ADGRL2: variants seen among roughly 807,000 people sequenced by gnomAD.
ADGRL2 encodes the protein calcium-independent alpha-latrotoxin receptor 2.
Under a neutral mutation model 157.4 loss-of-function variants are expected in ADGRL2, and 44 were observed. The ratio of observed to expected loss-of-function variants is 0.28; its 90% CI spans 0.22 to 0.36. The LOEUF is 0.36. Among genes scored for constraint, ADGRL2 ranks in the 10% least tolerant of loss-of-function variants. The pLI is 1.00. For synonymous variants in ADGRL2, 585 were observed against 624.7 expected, an observed-to-expected ratio of 0.94 and a Z score of 0.95; for missense variants, 1,510 against 1,768.9, an observed-to-expected ratio of 0.85 and a Z score of 2.63.
chr1:81,690,935 G>A (rs1042445038), intron 3 of ADGRL2, among the ~76,000 whole-genome samples: 18 of 152,318 alleles, frequency 1.2e-4, no homozygotes, highest in African/African-American at 4.1e-4. Context: ...CAGAAATAAA[G>A]TCTTTACAGA....
At chr1:81,844,390 C>G (rs2092707968) in intron 2 of ADGRL2, among the ~76,000 whole-genome samples, 2 of 152,098 alleles carry the variant, frequency 1.3e-5, no homozygotes, top group African/African-American at 4.8e-5. Flanking sequence ...AATTAATACA[C>G]TTTAATTTTT....
At chr1:81,715,770 G>T (rs948370010) in intron 1 of ADGRL2, among the ~76,000 whole-genome samples, 2 of 152,014 alleles carry the variant, frequency 1.3e-5, no homozygotes, top group Admixed American at 1.3e-4. Context: ...GTCTCTTCAT[G>T]AGACCAAGGT....
chr1:81,402,289 C>G (rs1413929917), intron 1 of ADGRL2, among the ~76,000 whole-genome samples: 4 of 152,170 alleles, frequency 2.6e-5, no homozygotes, highest in African/African-American at 9.6e-5. Flanking sequence ...ATATGCCACT[C>G]TGCCTGCCAG....
chr1:81,787,572 T>C (rs2087114650), intron 2 of ADGRL2, among the ~76,000 whole-genome samples: 1 of 152,114 alleles, frequency 6.6e-6, no homozygotes, highest in Non-Finnish European at 1.5e-5. Context: ...GGAGAATTGC[T>C]TGAACCTGGG....
intron 2 of ADGRL2, chr1:81,502,868 G>C: frequency 6.2e-7 from 1 of 1,613,104 alleles, no homozygotes; most frequent in Non-Finnish European, 8.5e-7. Flanking sequence ...CCCAAGATCC[G>C]CTTTCCCATC....
In ADGRL2 at chr1:81,864,923, T is replaced by C. The variant is rs190969768; in HGVS notation, c.73+27866T>C. Among the ~76,000 whole-genome samples the C allele has an allele frequency of 1.5e-3, 222 of 152,232 alleles. 2 individuals carry two copies. In the South Asian group the frequency reaches 0.019, roughly 13 times the overall value. ...ATCCCTTGCGCCTGTGATGCAGAGGTTGCAGTGAGCCAAGATCGCACCACT... is the reference window on the plus strand; with the variant it reads ...ATCCCTTGCGCCTGTGATGCAGAGGCTGCAGTGAGCCAAGATCGCACCACT... On this transcript the variant is annotated intron_variant, in intron 2 of 23. Transcript: ENST00000686636.
intron 3 of ADGRL2, among the ~76,000 whole-genome samples, chr1:81,918,071 T>C (rs2148541935): frequency 6.6e-6 from 1 of 152,280 alleles, no homozygotes; most frequent in Non-Finnish European, 1.5e-5. Flanking sequence ...CAAGCGCATT[T>C]AGAGATGCAG....
chr1:81,891,606 C>A (rs1383144252), intron 2 of ADGRL2, among the ~76,000 whole-genome samples: 1 of 152,014 alleles, frequency 6.6e-6, no homozygotes. Context: ...AAATTTATTT[C>A]ATTTTCCCTT....
intron 2 of ADGRL2, among the ~76,000 whole-genome samples, chr1:81,858,070 C>A (rs1324941974): frequency 6.6e-6 from 1 of 151,932 alleles, no homozygotes; most frequent in Admixed American, 6.6e-5. Flanking sequence ...TACATTTGGA[C>A]CAGTGGAGAT....
intron 1 of ADGRL2, among the ~76,000 whole-genome samples, chr1:81,320,103 A>T (rs1660402896): frequency 6.6e-6 from 1 of 152,244 alleles, no homozygotes; most frequent in Non-Finnish European, 1.5e-5. Context: ...TGTCCACAGC[A>T]TCTTCACCAA....
rs2082001824 is a variant in ADGRL2, at chr1:81,631,061, C to T, written c.-143+50081C>T. Reference sequence around the variant, plus strand: ...AACTTATTCTCATTCTTGCACTATCCTCATATTGTTTTTTTCAAGAGTGCA... The same window carrying T: ...AACTTATTCTCATTCTTGCACTATCTTCATATTGTTTTTTTCAAGAGTGCA... On this transcript the variant is annotated intron_variant, in intron 3 of 24. Coordinates refer to the ADGRL2 transcript ENST00000370721. 3.9e-5 allele frequency among the ~76,000 whole-genome samples: 6 copies of T among 152,004 alleles called. No individual in the cohort carries two copies. The South Asian group carries it at 1.2e-3, about 32-fold the overall frequency.
chr1:81,485,230 G>A (rs2078475878), intron 2 of ADGRL2, among the ~76,000 whole-genome samples: 1 of 150,946 alleles, frequency 6.6e-6, no homozygotes, highest in Non-Finnish European at 1.5e-5. Flanking sequence ...ATCAGAAACA[G>A]GGAAAAGAAA....
intron 2 of ADGRL2, among the ~76,000 whole-genome samples, chr1:81,546,500 T>C (rs1270995422): frequency 1.3e-5 from 2 of 152,220 alleles, no homozygotes; most frequent in African/African-American, 4.8e-5. Flanking sequence ...AGCATAATAA[T>C]AATGATAAAT....
chr1:81,748,467 CAAA>C (rs973818702), intron 1 of ADGRL2, among the ~76,000 whole-genome samples: 7 of 42,420 alleles, frequency 1.7e-4, no homozygotes, highest in African/African-American at 6.2e-4. Flanking sequence ...GATTCCGTCT[CAAA>C]AAAAAAAAAA....
chr1:81,896,147 C>T (rs372892486), intron 2 of ADGRL2, among the ~76,000 whole-genome samples: 12 of 152,144 alleles, frequency 7.9e-5, no homozygotes, highest in Admixed American at 3.9e-4. Flanking sequence ...ATGAAATTGT[C>T]GTTTACTTAT....
At chr1:81,830,260 T>G (rs989314580) in intron 1 of ADGRL2, among the ~76,000 whole-genome samples, 1 of 152,142 alleles carries the variant, frequency 6.6e-6, no homozygotes, top group African/African-American at 2.4e-5. Context: ...GCACTGGATA[T>G]CCATTAAAAA....
intron 1 of ADGRL2, among the ~76,000 whole-genome samples, chr1:81,700,572 G>T (rs543979191): frequency 1.8e-4 from 27 of 152,270 alleles, no homozygotes; most frequent in African/African-American, 6.5e-4. Context: ...TTGATGAATT[G>T]TTTGTAAGCT....
At chr1:81,364,503 A>C (rs918435352) in intron 1 of ADGRL2, among the ~76,000 whole-genome samples, 1 of 108,778 alleles carries the variant, frequency 9.2e-6, no homozygotes, top group African/African-American at 2.6e-5. Context: ...CATGAAATGT[A>C]AAAACAGTTC....
intron 1 of ADGRL2, among the ~76,000 whole-genome samples, chr1:81,715,328 T>C (rs1385473118): frequency 6.6e-6 from 1 of 152,052 alleles, no homozygotes; most frequent in African/African-American, 2.4e-5. Context: ...TATATATATA[T>C]ATTCTTGAGT....
Sources: allele counts gnomAD v4.1 joint callset (sites outside exome capture counted in the v4.1 genomes callset), GRCh38; gene constraint gnomAD v4.1.1; transcripts MANE v1.5; gene names NCBI Gene and HGNC (gene_info 2026-07-23, HGNC 2026-07-21).